Variants in TPST1 observed in about 807,000 individuals in gnomAD.
TPST1 encodes the protein tyrosylprotein sulfotransferase 1, also known as protein-tyrosine sulfotransferase 1.
A neutral mutation model predicts 34.8 loss-of-function variants in TPST1; 20 were observed. The ratio of observed to expected loss-of-function variants is 0.57; its 90% CI spans 0.40 to 0.84. The LOEUF (loss-of-function observed/expected upper bound fraction) is 0.84, where lower values mean the gene tolerates loss of function less well. Ranked by LOEUF, TPST1 falls within the 40% of genes least tolerant of loss-of-function variation. The probability of loss-of-function intolerance (pLI) is 0.00; values close to 1 mark genes in which losing one functional copy is unlikely to be tolerated. For synonymous variants in TPST1, 152 were observed against 159.4 expected (o/e 0.95, Z 0.35); for missense variants, 353 against 455.5 (o/e 0.78, Z 2.05).
chr7:66,336,731 C>T (rs1386673173), intron 3 of TPST1, among the ~76,000 whole-genome samples: 1 of 152,166 alleles, frequency 6.6e-6, no homozygotes, highest in Admixed American at 6.5e-5. Flanking sequence ...AAAGATGACA[C>T]TGTCTAGGTA....
chr7:66,328,056 C>G (rs1429465476), intron 3 of TPST1, among the ~76,000 whole-genome samples: 1 of 81,746 alleles, frequency 1.2e-5, no homozygotes, highest in Admixed American at 2.0e-4. Context: ...GAGTCTTGCT[C>G]TGTTACCCAG....
At chr7:66,251,911 A>T (rs1347401504) in intron 2 of TPST1, among the ~76,000 whole-genome samples, 1 of 151,694 alleles carries the variant, frequency 6.6e-6, no homozygotes, top group Non-Finnish European at 1.5e-5. Context: ...TAGATTATTT[A>T]TACATTTTTA....
chr7:66,359,403 G>A (rs1792646559), intron 5 of TPST1: 2 of 150,928 alleles, frequency 1.3e-5, no homozygotes, highest in Admixed American at 6.6e-5. Context: ...TTCACATGAG[G>A]AGGAATCAGG....
At position 66,332,985 on chromosome 7, in the gene TPST1, TA is replaced by T. The variant is rs1792026225; in HGVS notation, c.1045-19518del. ...GAAGTGGCACTGGGCTTAGTAAGGG[TA>T]AGAAAGCTAAGAGTGGCCTGAGGAC... On this transcript the variant is annotated intron_variant, in intron 3 of 5. Transcript: ENST00000304842. This position sits in a 1 kb window ranked among gnomAD's most constrained non-coding sequence, Gnocchi z 4.5. Among the ~76,000 whole-genome samples, 1 of 152,080 alleles carries T rather than the reference TA, an allele frequency of 6.6e-6. No individual in the cohort carries two copies. The highest frequency in any genetic ancestry group is 2.4e-5 in the African/African-American group (1 of 41,394).
At chr7:66,232,903 G>A (rs1263550711) in intron 1 of TPST1, among the ~76,000 whole-genome samples, 1 of 152,184 alleles carries the variant, frequency 6.6e-6, no homozygotes, top group African/African-American at 2.4e-5. Flanking sequence ...TTGTCATCTA[G>A]TGGGTGTCAA....
intron 3 of TPST1, among the ~76,000 whole-genome samples, chr7:66,344,767 AGGCTGGAG>A (rs1229359997): frequency 7.1e-6 from 1 of 141,782 alleles, no homozygotes; most frequent in Non-Finnish European, 1.5e-5. Context: ...TCTGTCGCCC[AGGCTGGAG>A]TACAGTGGTG....
At chr7:66,223,336 C>G (rs969169458) in intron 1 of TPST1, among the ~76,000 whole-genome samples, 2 of 151,084 alleles carry the variant, frequency 1.3e-5, no homozygotes, top group Non-Finnish European at 3.0e-5. Flanking sequence ...GTTTGCATGC[C>G]CCTGCAGTCC....
chr7:66,329,579 C>T (rs1415516484), intron 3 of TPST1, among the ~76,000 whole-genome samples: 1 of 152,124 alleles, frequency 6.6e-6, no homozygotes. Flanking sequence ...ATATGACTGG[C>T]GTTTCTCCAG....
Position 66,262,012 on chromosome 7 carries a change from A to T in TPST1, c.845+20742A>T, listed in dbSNP as rs201267747. Among the ~76,000 whole-genome samples, 4 of 152,296 alleles carry T rather than the reference A, an allele frequency of 2.6e-5. No homozygotes were observed. The East Asian group carries it at 7.7e-4, about 29-fold the overall frequency. ...GGTGGCATATGGGTGTGTGTATGTA[A>T]AGATGAGGTGACTGTGTGGTCTTGT... On this transcript the variant is annotated intron_variant, in intron 2 of 5. Transcript: ENST00000304842.
chr7:66,235,613 A>AT (rs911195531), intron 1 of TPST1, among the ~76,000 whole-genome samples: 133 of 152,254 alleles, frequency 8.7e-4, no homozygotes, highest in African/African-American at 3.1e-3. Context: ...TATATATAGT[A>AT]TGTGAACTTC....
intron 1 of TPST1, among the ~76,000 whole-genome samples, chr7:66,212,414 AC>A (rs1468544115): frequency 1.3e-5 from 2 of 151,570 alleles, no homozygotes; most frequent in African/African-American, 4.8e-5. Flanking sequence ...TGTAGGAAGC[AC>A]CTGTGATTGC....
chr7:66,267,829 A>T (rs1168125465), intron 2 of TPST1, among the ~76,000 whole-genome samples: 1 of 152,194 alleles, frequency 6.6e-6, no homozygotes, highest in Admixed American at 6.5e-5. Flanking sequence ...TATGGAACAT[A>T]TATTGGGGGA....
intron 1 of TPST1, among the ~76,000 whole-genome samples, chr7:66,222,381 G>T (rs1408838377): frequency 2.8e-5 from 4 of 141,704 alleles, no homozygotes; most frequent in Non-Finnish European, 3.1e-5. Context: ...GTGAGACTCC[G>T]TTTCAAAAAA....
intron 1 of TPST1, among the ~76,000 whole-genome samples, chr7:66,236,415 T>C (rs1219028636): frequency 2.0e-5 from 3 of 152,008 alleles, no homozygotes; most frequent in Non-Finnish European, 2.9e-5. Flanking sequence ...TATATGTATA[T>C]ACACACACAC....
intron 1 of TPST1, among the ~76,000 whole-genome samples, chr7:66,207,603 T>C (rs1789157495): frequency 6.6e-6 from 1 of 152,196 alleles, no homozygotes; most frequent in Non-Finnish European, 1.5e-5. Flanking sequence ...CCTTAGGGTT[T>C]CATTTTTGTT....
intron 1 of TPST1, among the ~76,000 whole-genome samples, chr7:66,233,419 T>A (rs1230388556): frequency 6.6e-6 from 1 of 152,250 alleles, no homozygotes; most frequent in African/African-American, 2.4e-5. Flanking sequence ...CTTTTGCATG[T>A]GGATATCCAG....
chr7:66,347,933 CTTCT>C (rs1396489197), intron 3 of TPST1, among the ~76,000 whole-genome samples: 1 of 152,082 alleles, frequency 6.6e-6, no homozygotes, highest in Non-Finnish European at 1.5e-5. Flanking sequence ...GATAATTTGA[CTTCT>C]TTCTTTCTAG....
chr7:66,220,426 A>G (rs1412432081), intron 1 of TPST1, among the ~76,000 whole-genome samples: 1 of 152,208 alleles, frequency 6.6e-6, no homozygotes, highest in Non-Finnish European at 1.5e-5. Flanking sequence ...AAAAACAGAC[A>G]AAGTAACCAT....
chr7:66,335,486 G>C (rs1792078720), intron 3 of TPST1, among the ~76,000 whole-genome samples: 2 of 151,926 alleles, frequency 1.3e-5, no homozygotes, highest in African/African-American at 4.8e-5. Context: ...TTAACTTCCA[G>C]TGTACACTTA....
Sources: gnomAD v4.1 joint callset for allele counts (sites outside exome capture counted in the v4.1 genomes callset) on GRCh38, gnomAD v4.1.1 for gene constraint, Gnocchi (gnomAD v3.1) non-coding constraint, MANE v1.5 for transcripts, NCBI Gene and HGNC (gene_info 2026-07-23, HGNC 2026-07-21) for gene names.